CTNND2: variants seen among roughly 807,000 people sequenced by gnomAD.
CTNND2 encodes catenin delta-2.
Under a neutral mutation model 144.4 loss-of-function variants are expected in CTNND2, and 22 were observed. That is an observed-to-expected ratio of 0.15 (90% CI 0.11 to 0.22). CTNND2 has a LOEUF of 0.22. Ranked by LOEUF, CTNND2 falls within the 10% of genes least tolerant of loss-of-function variation. CTNND2 has a pLI of 1.00. For synonymous variants in CTNND2, 751 were observed against 695.6 expected, an observed-to-expected ratio of 1.08 and a Z score of -1.25; for missense variants, 1,353 against 1,618.8, an observed-to-expected ratio of 0.84 and a Z score of 2.82.
At chr5:11,639,662 C>T (rs952254554) in intron 2 of CTNND2, among the ~76,000 whole-genome samples, 40 of 152,274 alleles carry the variant, frequency 2.6e-4, no homozygotes, top group Non-Finnish European at 5.1e-4. Flanking sequence ...GAGGCTAATG[C>T]ATCTTAAGAA....
chr5:11,423,365 G>A (rs184883540), intron 3 of CTNND2, among the ~76,000 whole-genome samples: 4 of 152,278 alleles, frequency 2.6e-5, no homozygotes, highest in African/African-American at 9.6e-5. Context: ...TCTCTCAGGT[G>A]GATTATCCAT....
intron 9 of CTNND2, among the ~76,000 whole-genome samples, chr5:11,240,824 GCA>G (rs1467261989): frequency 3.7e-4 from 27 of 73,090 alleles, no homozygotes; most frequent in African/African-American, 1.3e-3. Context: ...CATACACTCA[GCA>G]CACACACCCC....
At chr5:11,830,317 A>G (rs566488837) in intron 1 of CTNND2, among the ~76,000 whole-genome samples, 1 of 152,288 alleles carries the variant, frequency 6.6e-6, no homozygotes, top group Middle Eastern at 3.4e-3. Flanking sequence ...GCAGAATGAT[A>G]TGGTTTGATT....
intron 1 of CTNND2, among the ~76,000 whole-genome samples, chr5:11,872,125 C>T (rs796600624): frequency 4.6e-5 from 7 of 151,430 alleles, no homozygotes; most frequent in African/African-American, 1.7e-4. Context: ...TGAGTGAGAA[C>T]ATGGGGTGTT....
At chr5:11,732,914 GA>G (rs1787472794) in intron 1 of CTNND2, among the ~76,000 whole-genome samples, 3 of 151,950 alleles carry the variant, frequency 2.0e-5, no homozygotes, top group East Asian at 1.9e-4. Context: ...ACGTCCTGGG[GA>G]AAAAAATGCT....
chr5:11,582,537 C>T (rs1241231091), intron 2 of CTNND2, among the ~76,000 whole-genome samples: 1 of 152,194 alleles, frequency 6.6e-6, no homozygotes, highest in African/African-American at 2.4e-5. Context: ...AGTGAAGTAA[C>T]AGCAGTGCAT....
chr5:11,511,177 T>A (rs1008111848), intron 3 of CTNND2, among the ~76,000 whole-genome samples: 1 of 152,218 alleles, frequency 6.6e-6, no homozygotes, highest in African/African-American at 2.4e-5. Context: ...TCTCAGCATT[T>A]CTGTCATGCT....
At chr5:11,434,255 GAATTCTT>G (rs1221995652) in intron 3 of CTNND2, among the ~76,000 whole-genome samples, 2 of 152,166 alleles carry the variant, frequency 1.3e-5, no homozygotes, top group Non-Finnish European at 2.9e-5. Context: ...ATTCAATATG[GAATTCTT>G]AAACGAGCAA....
intron 9 of CTNND2, among the ~76,000 whole-genome samples, chr5:11,274,116 C>T (rs950107628): frequency 3.3e-5 from 5 of 152,158 alleles, no homozygotes; most frequent in South Asian, 2.1e-4. Flanking sequence ...CAACAGTCCA[C>T]GCCGCCAACA....
intron 12 of CTNND2, among the ~76,000 whole-genome samples, chr5:11,120,370 A>T (rs1376034894): frequency 6.6e-6 from 1 of 151,708 alleles, no homozygotes; most frequent in East Asian, 1.9e-4. Flanking sequence ...GGGGGTTATT[A>T]TACTGTCTGC....
intron 2 of CTNND2, among the ~76,000 whole-genome samples, chr5:11,648,999 C>A (rs895739850): frequency 1.3e-5 from 2 of 152,128 alleles, no homozygotes; most frequent in African/African-American, 2.4e-5. Flanking sequence ...ATTCCCATCC[C>A]TTTCAGAAAA....
intron 7 of CTNND2, among the ~76,000 whole-genome samples, chr5:11,374,624 G>C (rs1212309131): frequency 6.6e-6 from 1 of 152,066 alleles, no homozygotes; most frequent in African/African-American, 2.4e-5. Flanking sequence ...AATTCAACAA[G>C]TGGCATTTTA....
chr5:11,813,154 T>C (rs969429755), intron 1 of CTNND2, among the ~76,000 whole-genome samples: 1 of 152,194 alleles, frequency 6.6e-6, no homozygotes, highest in African/African-American at 2.4e-5. Flanking sequence ...CACCAATACT[T>C]ACCATTGTGT....
At chr5:11,558,969 C>G (rs1458729693) in intron 3 of CTNND2, among the ~76,000 whole-genome samples, 1 of 152,042 alleles carries the variant, frequency 6.6e-6, no homozygotes, top group Non-Finnish European at 1.5e-5. Flanking sequence ...TTTCTGGCTA[C>G]CAAATGTATA....
intron 1 of CTNND2, among the ~76,000 whole-genome samples, chr5:11,845,395 T>A (rs1426807421): frequency 6.6e-6 from 1 of 152,162 alleles, no homozygotes; most frequent in East Asian, 1.9e-4. Context: ...TACCTCAGAA[T>A]ATGACTTATT....
intron 3 of CTNND2, among the ~76,000 whole-genome samples, chr5:11,514,851 G>A (rs1461922386): frequency 2.0e-5 from 3 of 152,158 alleles, no homozygotes; most frequent in Non-Finnish European, 2.9e-5. Flanking sequence ...CGCCCAAGAT[G>A]GAGTGCAGTG....
intron 3 of CTNND2, among the ~76,000 whole-genome samples, chr5:11,443,186 G>GT (rs1554059592): frequency 5.4e-5 from 8 of 148,170 alleles, no homozygotes; most frequent in African/African-American, 2.0e-4. Context: ...TGTGGTGTGT[G>GT]GTGTGTGTGT....
intron 1 of CTNND2, among the ~76,000 whole-genome samples, chr5:11,844,942 G>A (rs923190722): frequency 1.7e-4 from 26 of 152,220 alleles, no homozygotes; most frequent in African/African-American, 5.8e-4. Flanking sequence ...ACTGACTGGC[G>A]GAGGGGGGCA....
At chr5:11,417,688 C>A (rs970323575) in intron 3 of CTNND2, among the ~76,000 whole-genome samples, 1 of 152,152 alleles carries the variant, frequency 6.6e-6, no homozygotes, top group Non-Finnish European at 1.5e-5. Flanking sequence ...AATTCTCATA[C>A]ACTGTAGGTG....
Sources: allele counts gnomAD v4.1 joint callset (sites outside exome capture counted in the v4.1 genomes callset), GRCh38; gene constraint gnomAD v4.1.1; transcripts MANE v1.5; gene names NCBI Gene and HGNC (gene_info 2026-07-23, HGNC 2026-07-21).